Variants in MTFMT observed in about 807,000 individuals in gnomAD.
The protein encoded by MTFMT is mitochondrial methionyl-tRNA formyltransferase.
A neutral mutation model predicts 51.8 loss-of-function variants in MTFMT; 47 were observed. That is an observed-to-expected ratio of 0.91 (90% CI 0.72 to 1.16). MTFMT has a LOEUF of 1.16. Among genes scored for constraint, MTFMT ranks in the 50% most tolerant of loss-of-function variants. The probability of loss-of-function intolerance (pLI) is 0.00; values close to 1 mark genes in which losing one functional copy is unlikely to be tolerated. For missense variants in MTFMT, 512 were observed against 482.3 expected, an observed-to-expected ratio of 1.06 and a Z score of -0.58; for synonymous variants, 196 against 176.7, an observed-to-expected ratio of 1.11 and a Z score of -0.87.
chr15:65,026,160 A>G (rs2086422266), intron 2 of MTFMT: 2 of 155,302 alleles, frequency 1.3e-5, no homozygotes, highest in South Asian at 4.0e-4. Context: ...AGAAAAATTA[A>G]CCAGCTTCCA....
At chr15:65,011,230 G>A (rs1456512338) in intron 6 of MTFMT, among the ~76,000 whole-genome samples, 2 of 152,126 alleles carry the variant, frequency 1.3e-5, no homozygotes, top group Admixed American at 6.5e-5. Context: ...GCTGAGGCAG[G>A]AGAATCGCTT....
At chr15:65,012,058 C>T (rs977233382) in intron 6 of MTFMT, among the ~76,000 whole-genome samples, 13 of 133,586 alleles carry the variant, frequency 9.7e-5, no homozygotes, top group African/African-American at 2.8e-4. Flanking sequence ...TGATTGTGGA[C>T]ATCCAGTTAT....
At position 65,021,323 on chromosome 15, in the gene MTFMT, T is replaced by C. The variant is rs186811308; in HGVS notation, c.645+191A>G. ...TCACTTGAAAGCCTTTATTCAGTAC[T>C]TACTCTTTGTAAATTCTCAAAGATT... On this transcript the variant is annotated intron_variant, in intron 4 of 8. Coordinates refer to ENST00000220058, the MANE Select transcript of MTFMT (RefSeq NM_139242.4). Among the ~76,000 whole-genome samples, 121 of 152,374 alleles carry C rather than the reference T, an allele frequency of 7.9e-4. 1 individual carries two copies. The highest frequency in any genetic ancestry group is 2.9e-3 in the African/African-American group (121 of 41,594).
chr15:65,013,193 A>G (rs2086284952), intron 6 of MTFMT, among the ~76,000 whole-genome samples: 1 of 152,090 alleles, frequency 6.6e-6, no homozygotes, highest in South Asian at 2.1e-4. Context: ...AGTTGAATAG[A>G]AGACATTTAA....
intron 5 of MTFMT, among the ~76,000 whole-genome samples, chr15:65,017,864 G>C (rs953250024): frequency 6.6e-6 from 1 of 152,014 alleles, no homozygotes; most frequent in Non-Finnish European, 1.5e-5. Flanking sequence ...ACACTATTAA[G>C]TGAAAAAACA....
At chr15:65,026,275 A>T (rs1182641034) in intron 2 of MTFMT, 1 of 180,752 alleles carries the variant, frequency 5.5e-6, no homozygotes, top group Non-Finnish European at 1.2e-5. Context: ...TGAACATGAC[A>T]CAGGCTCTTA....
rs2086187246 is a variant in MTFMT at position 65,002,851 on chromosome 15, T to C, written c.*211A>G. 1 of 299,236 alleles carries C rather than the reference T, an allele frequency of 3.3e-6. No homozygotes were observed. The highest frequency in any genetic ancestry group is 6.1e-6 in the Non-Finnish European group (1 of 163,442). 18.5% of individuals were successfully genotyped at this position (299,236 alleles called of 1,614,324 possible). A position where few individuals can be genotyped will look rare whatever the true frequency, so the allele number is the denominator to read the frequency against. ...GGTGGCGTGTGCCTGTAATCCCAGC[T>C]ACTCAGGAGGCTGAGGCAGGAGAAT... On this transcript the variant is annotated 3_prime_UTR_variant, in exon 9 of 9. Transcript: ENST00000220058.
rs1312881450 is a variant in MTFMT, at chr15:65,023,700, C to T, written c.514G>A (p.Val172Ile). Reference sequence around the variant, plus strand: ...TTAGGTCTAATTTGCATAATTGTTACTCCAGTAACTGTGTCTCCGTGAAGC... The same window carrying T: ...TTAGGTCTAATTTGCATAATTGTTATTCCAGTAACTGTGTCTCCGTGAAGC... Reference protein sequence around the residue: ...TVLHGDTVTGVTIMQIRPKRF... With the variant: ...TVLHGDTVTGITIMQIRPKRF... The change falls in exon 3 of 9, where the codon GTA becomes ATA. Residue 172 changes from valine (V) to isoleucine (I), a missense_variant. Val to Ile is a conservative substitution (Grantham distance 29). Coordinates refer to ENST00000220058, the MANE Select transcript of MTFMT (RefSeq NM_139242.4). The T allele has an allele frequency of 6.2e-7, 1 of 1,613,678 alleles. No individual in the cohort carries two copies. The highest frequency in any genetic ancestry group is 1.1e-5 in the South Asian group (1 of 91,052).
chr15:65,005,608 ATTTTTTTT>A (rs11353130), intron 7 of MTFMT, among the ~76,000 whole-genome samples: 3 of 120,172 alleles, frequency 2.5e-5, no homozygotes, highest in Non-Finnish European at 5.3e-5. Flanking sequence ...TCCTGTAATG[ATTTTTTTT>A]TTTTTTTTTT....
chr15:65,017,577 G>A (rs982031458), intron 5 of MTFMT, among the ~76,000 whole-genome samples: 3 of 152,082 alleles, frequency 2.0e-5, no homozygotes, highest in Non-Finnish European at 4.4e-5. Flanking sequence ...GCAGGAGGAC[G>A]GCTTGAGTCT....
chr15:65,010,179 GTTGT>G (rs1270354398), intron 6 of MTFMT, among the ~76,000 whole-genome samples: 1 of 151,998 alleles, frequency 6.6e-6, no homozygotes, highest in African/African-American at 2.4e-5. Context: ...TCCATCTTGG[GTTGT>G]TTTTTTGTTT....
At chr15:65,022,174 T>G (rs562644122) in intron 3 of MTFMT, among the ~76,000 whole-genome samples, 10 of 152,338 alleles carry the variant, frequency 6.6e-5, no homozygotes, top group African/African-American at 2.4e-4. Context: ...TAGGTGATTA[T>G]AAGTAGGGCC....
At chr15:65,012,257 TG>T (rs2086275117) in intron 6 of MTFMT, among the ~76,000 whole-genome samples, 1 of 151,180 alleles carries the variant, frequency 6.6e-6, no homozygotes, top group African/African-American at 2.4e-5. Flanking sequence ...TGTATACATA[TG>T]TAACAAACCT....
intron 3 of MTFMT, among the ~76,000 whole-genome samples, chr15:65,022,753 C>G (rs1474493716): frequency 6.7e-6 from 1 of 148,860 alleles, no homozygotes; most frequent in Non-Finnish European, 1.5e-5. Flanking sequence ...GTCGCCCAGG[C>G]TGGAATGCAG....
At chr15:65,009,326 A>G (rs2086243603) in intron 6 of MTFMT, among the ~76,000 whole-genome samples, 1 of 152,208 alleles carries the variant, frequency 6.6e-6, no homozygotes, top group African/African-American at 2.4e-5. Context: ...GAAGTTGTCT[A>G]CTTGATATCT....
intron 2 of MTFMT, among the ~76,000 whole-genome samples, chr15:65,025,848 T>A (rs2086418646): frequency 6.6e-6 from 1 of 152,108 alleles, no homozygotes; most frequent in Non-Finnish European, 1.5e-5. Flanking sequence ...ATATATGGAA[T>A]TTAAATGAAG....
chr15:65,013,540 T>C (rs2086288159), intron 6 of MTFMT, among the ~76,000 whole-genome samples: 1 of 152,238 alleles, frequency 6.6e-6, no homozygotes, highest in South Asian at 2.1e-4. Flanking sequence ...TCAAATGCTT[T>C]TTCTGCATCT....
chr15:65,018,050 G>C (rs182353267), intron 5 of MTFMT, among the ~76,000 whole-genome samples: 71 of 152,162 alleles, frequency 4.7e-4, no homozygotes, highest in African/African-American at 1.6e-3. Context: ...AGAGATGGAA[G>C]TAGGACTTCT....
At chr15:65,004,768 G>C in intron 8 of MTFMT, 86 bp downstream of exon 8, 1 of 800,832 alleles carries the variant, frequency 1.2e-6, no homozygotes, top group Non-Finnish European at 1.9e-6. Flanking sequence ...AGGCAGTTAA[G>C]TGAAGTTCCA....
Sources: allele counts gnomAD v4.1 joint callset (sites outside exome capture counted in the v4.1 genomes callset), GRCh38; gene constraint gnomAD v4.1.1; transcripts MANE v1.5; gene names NCBI Gene and HGNC (gene_info 2026-07-23, HGNC 2026-07-21).